The following MNAT1 variants were observed in gnomAD, a reference collection of about 807,000 sequenced individuals.
The protein encoded by MNAT1 is MNAT1 component of CDK activating kinase, also known as CDK-activating kinase assembly factor MAT1.
A neutral mutation model predicts 42.0 loss-of-function variants in MNAT1; 43 were observed. The observed-to-expected ratio is 1.02, with a 90% confidence interval of 0.80 to 1.32. The LOEUF (loss-of-function observed/expected upper bound fraction) is 1.32, where lower values mean the gene tolerates loss of function less well. Among genes scored for constraint, MNAT1 ranks in the 40% most tolerant of loss-of-function variants. MNAT1 has a pLI of 0.00. For synonymous variants in MNAT1, 118 were observed against 120.0 expected (o/e 0.98, Z 0.11); for missense variants, 306 against 350.4 (o/e 0.87, Z 1.01).
chr14:60,738,160 A>G (rs933146461), intron 1 of MNAT1, among the ~76,000 whole-genome samples: 1 of 151,164 alleles, frequency 6.6e-6, no homozygotes, highest in Non-Finnish European at 1.5e-5. Context: ...AACTTTGCCT[A>G]TATTGGCTAA....
chr14:60,860,590 T>A (rs1266395770), intron 6 of MNAT1, among the ~76,000 whole-genome samples: 1 of 152,048 alleles, frequency 6.6e-6, no homozygotes, highest in Non-Finnish European at 1.5e-5. Context: ...CCTGACCTCG[T>A]GATCCGCCCG....
At chr14:60,928,177 G>T (rs973235818) in intron 7 of MNAT1, among the ~76,000 whole-genome samples, 4 of 152,040 alleles carry the variant, frequency 2.6e-5, no homozygotes, top group African/African-American at 9.7e-5. Flanking sequence ...TCATATTGTA[G>T]TATATATATC....
rs1279815765 is a variant in MNAT1, at chr14:60,780,356, GAAATCCGTTCAGT to G, written c.90-15860_90-15848del. On this transcript the variant is annotated intron_variant, in intron 1 of 7. Coordinates refer to ENST00000261245, the MANE Select transcript of MNAT1 (RefSeq NM_002431.4). ...AAAGTCTCAGAAAGCTATTCAGGATGAAATCCGTTCAGTCATCAGACAGATCACAGCTACAGTG... is the reference window on the plus strand; with the variant it reads ...AAAGTCTCAGAAAGCTATTCAGGATGCATCAGACAGATCACAGCTACAGTG... 26 of 1,578,208 alleles carry G rather than the reference GAAATCCGTTCAGT, an allele frequency of 1.6e-5. No homozygotes were observed. The East Asian group carries it at 5.4e-4, about 33-fold the overall frequency.
intron 7 of MNAT1, among the ~76,000 whole-genome samples, chr14:60,890,472 T>A (rs1310390322): frequency 6.6e-6 from 1 of 152,172 alleles, no homozygotes; most frequent in Non-Finnish European, 1.5e-5. Flanking sequence ...GGGGAGTTTA[T>A]TACGGAGTAT....
chr14:60,845,487 ATGT>A (rs1477993873), intron 6 of MNAT1, among the ~76,000 whole-genome samples: 1 of 152,096 alleles, frequency 6.6e-6, no homozygotes. Flanking sequence ...GTCTAGGTAG[ATGT>A]TGTTGATCTA....
chr14:60,963,091 C>T (rs2036625266), intron 7 of MNAT1, among the ~76,000 whole-genome samples: 1 of 152,134 alleles, frequency 6.6e-6, no homozygotes, highest in African/African-American at 2.4e-5. Context: ...AAGCGATTCT[C>T]CTGCCTCAGC....
At chr14:60,856,858 T>C (rs1292397059) in intron 6 of MNAT1, among the ~76,000 whole-genome samples, 2 of 152,102 alleles carry the variant, frequency 1.3e-5, no homozygotes, top group South Asian at 2.1e-4. Context: ...TTTTTTGTAT[T>C]TTAGTAGAGA....
chr14:60,850,725 A>C (rs187441134), intron 6 of MNAT1, among the ~76,000 whole-genome samples: 63 of 152,334 alleles, frequency 4.1e-4, no homozygotes, highest in African/African-American at 1.5e-3. Context: ...GAGTTCCTCC[A>C]TGGATAACAT....
Position 60,788,000 on chromosome 14 carries a change from C to G in MNAT1, c.90-8217C>G, listed in dbSNP as rs112444507. 6.7e-4 allele frequency among the ~76,000 whole-genome samples: 102 copies of G among 152,274 alleles called. 1 individual carries two copies. Among genetic ancestry groups the G allele is most frequent in the African/African-American group, 2.3e-3 (96 of 41,566 alleles). ...GAATCACACATGTTCTTAATGGCAT[C>G]TAGAATGGTGAATCCTTTCAAAAAG... On this transcript the variant is annotated intron_variant, in intron 1 of 7. Coordinates refer to ENST00000261245, the MANE Select transcript of MNAT1 (RefSeq NM_002431.4).
intron 7 of MNAT1, among the ~76,000 whole-genome samples, chr14:60,928,305 A>G (rs924949561): frequency 6.6e-6 from 1 of 152,080 alleles, no homozygotes; most frequent in South Asian, 2.1e-4. Flanking sequence ...CACTTTTTGG[A>G]CACCATTAAT....
intron 7 of MNAT1, among the ~76,000 whole-genome samples, chr14:60,882,517 T>C (rs2034574463): frequency 6.6e-6 from 1 of 152,226 alleles, no homozygotes; most frequent in African/African-American, 2.4e-5. Context: ...AAATCTTGGC[T>C]ATTGTGAACA....
At chr14:60,897,198 A>G (rs2034975457) in intron 7 of MNAT1, among the ~76,000 whole-genome samples, 1 of 152,162 alleles carries the variant, frequency 6.6e-6, no homozygotes, top group Admixed American at 6.5e-5. Flanking sequence ...AGGTAGATAT[A>G]AATTTGTCAT....
At chr14:60,883,298 T>C (rs2034591686) in intron 7 of MNAT1, among the ~76,000 whole-genome samples, 1 of 152,172 alleles carries the variant, frequency 6.6e-6, no homozygotes, top group African/African-American at 2.4e-5. Context: ...TGCATATGGA[T>C]ATCCAGTTTT....
intron 5 of MNAT1, among the ~76,000 whole-genome samples, chr14:60,816,814 T>C (rs1269582723): frequency 6.6e-6 from 1 of 152,052 alleles, no homozygotes; most frequent in Middle Eastern, 3.2e-3. Flanking sequence ...ATTTGAGTGC[T>C]AAAATAGAAT....
At chr14:60,849,550 T>G (rs2033768695) in intron 6 of MNAT1, among the ~76,000 whole-genome samples, 1 of 152,194 alleles carries the variant, frequency 6.6e-6, no homozygotes, top group African/African-American at 2.4e-5. Flanking sequence ...TCTGTTATTA[T>G]ACTAATAAGA....
At chr14:60,856,999 C>T (rs2033975990) in intron 6 of MNAT1, among the ~76,000 whole-genome samples, 1 of 152,098 alleles carries the variant, frequency 6.6e-6, no homozygotes, top group African/African-American at 2.4e-5. Flanking sequence ...TTTTGAAAAT[C>T]CTAGGGTCTT....
intron 1 of MNAT1, among the ~76,000 whole-genome samples, chr14:60,748,368 C>T (rs1396520465): frequency 1.3e-5 from 2 of 152,040 alleles, no homozygotes; most frequent in African/African-American, 4.8e-5. Context: ...ATAGCTGCGA[C>T]TCCAGGTTGG....
At chr14:60,766,924 ATTC>A (rs952959857) in intron 1 of MNAT1, among the ~76,000 whole-genome samples, 3 of 152,240 alleles carry the variant, frequency 2.0e-5, no homozygotes, top group African/African-American at 7.2e-5. Flanking sequence ...AAGAATAAAT[ATTC>A]TTTTAGAAAT....
At chr14:60,894,894 C>T (rs745420102) in intron 7 of MNAT1, among the ~76,000 whole-genome samples, 9 of 152,056 alleles carry the variant, frequency 5.9e-5, no homozygotes, top group East Asian at 1.9e-4. Context: ...AAATCTTGGC[C>T]GTAACAGTTT....
Sources: allele counts gnomAD v4.1 joint callset (sites outside exome capture counted in the v4.1 genomes callset), GRCh38; gene constraint gnomAD v4.1.1; transcripts MANE v1.5; gene names NCBI Gene and HGNC (gene_info 2026-07-23, HGNC 2026-07-21).